MPDZ: variants seen among roughly 807,000 people sequenced by gnomAD.
MPDZ encodes the protein multiple PDZ domain protein.
Under a neutral mutation model 239.1 loss-of-function variants are expected in MPDZ, and 234 were observed. The observed-to-expected ratio is 0.98, with a 90% CI of 0.88 to 1.09. The LOEUF is 1.09. Among genes scored for constraint, MPDZ ranks in the 50% least tolerant of loss-of-function variants. The probability of loss-of-function intolerance (pLI) is 0.00; values close to 1 mark genes in which losing one functional copy is unlikely to be tolerated. For synonymous variants in MPDZ, 1,048 were observed against 881.3 expected, an observed-to-expected ratio of 1.19 and a Z score of -3.35; for missense variants, 3,175 against 2,510.0, an observed-to-expected ratio of 1.26 and a Z score of -5.66.
At chr9:13,128,323 T>G (rs1414687464) in intron 32 of MPDZ, among the ~76,000 whole-genome samples, 1 of 152,234 alleles carries the variant, frequency 6.6e-6, no homozygotes, top group Non-Finnish European at 1.5e-5. Context: ...CTTGGATAAC[T>G]TGCTCTGCAA....
intron 39 of MPDZ, 70 bp downstream of exon 39, chr9:13,119,432 G>C (rs1439775386): frequency 1.3e-5 from 19 of 1,516,178 alleles, no homozygotes; most frequent in Non-Finnish European, 1.5e-5. Context: ...ATTTGACTAT[G>C]ATAGCCCAAT....
At chr9:13,186,154 C>A in intron 18 of MPDZ, 116 bp downstream of exon 18, 3 of 495,948 alleles carry the variant, frequency 6.0e-6, no homozygotes, top group Admixed American at 4.3e-5. Flanking sequence ...ACATGTTTAT[C>A]TTTCCAAATA....
intron 21 of MPDZ, among the ~76,000 whole-genome samples, chr9:13,174,972 T>A (rs1171565364): frequency 1.3e-5 from 2 of 152,104 alleles, no homozygotes; most frequent in South Asian, 2.1e-4. Flanking sequence ...CCATAAGACG[T>A]CAGTGTAACG....
chr9:13,107,992 T>A (rs866920181), intron 46 of MPDZ, among the ~76,000 whole-genome samples: 6 of 152,256 alleles, frequency 3.9e-5, no homozygotes, highest in South Asian at 2.1e-4. Flanking sequence ...ATAGCTTTTT[T>A]AAAAATCTTA....
intron 10 of MPDZ, among the ~76,000 whole-genome samples, chr9:13,211,056 C>G (rs945137590): frequency 3.3e-5 from 5 of 152,060 alleles, no homozygotes; most frequent in Non-Finnish European, 7.4e-5. Context: ...GTGATATACC[C>G]TCTATCTCTA....
chr9:13,236,529 C>T (rs1287204950), intron 3 of MPDZ, among the ~76,000 whole-genome samples: 2 of 151,334 alleles, frequency 1.3e-5, no homozygotes, highest in Admixed American at 6.6e-5. Flanking sequence ...GACCCGCCCA[C>T]CTCAGCCTCC....
chr9:13,159,542 C>T (rs1173386054), intron 23 of MPDZ, among the ~76,000 whole-genome samples: 1 of 152,066 alleles, frequency 6.6e-6, no homozygotes, highest in Admixed American at 6.6e-5. Flanking sequence ...TACAACAGGA[C>T]AGAGTATGAC....
chr9:13,188,808 T>A lies in MPDZ; in HGVS notation c.2340A>T (p.Arg780Ser). The A allele has an allele frequency of 6.2e-7, 1 of 1,613,308 alleles. No individual in the cohort carries two copies. The highest frequency in any genetic ancestry group is 8.5e-7 in the Non-Finnish European group (1 of 1,179,420). The change falls in exon 17 of 47, where the codon AGA (arginine) becomes AGT (serine). Residue 780 changes from arginine to serine, a missense_variant. Physicochemically the swap from Arg to Ser is moderately radical, Grantham distance 110. Coordinates refer to ENST00000319217, the MANE Select transcript of MPDZ (RefSeq NM_001378778.1). ...CGGGTAAAGGCTTAGCAACTCCTAT[T>A]CTCACAGTCCCTGACGGTGCTCCCT... ...ALKGAPSGTVRIGVAKPLPLS... is the reference protein window; with the variant it reads ...ALKGAPSGTVSIGVAKPLPLS...
At chr9:13,185,307 G>A (rs1343212450) in intron 18 of MPDZ, among the ~76,000 whole-genome samples, 2 of 151,948 alleles carry the variant, frequency 1.3e-5, no homozygotes, top group Non-Finnish European at 2.9e-5. Flanking sequence ...TGTCTCCCCC[G>A]AAATTACAAT....
At chr9:13,225,903 C>T (rs1165223964) in intron 3 of MPDZ, among the ~76,000 whole-genome samples, 1 of 152,052 alleles carries the variant, frequency 6.6e-6, no homozygotes, top group African/African-American at 2.4e-5. Flanking sequence ...CTGCACTACG[C>T]ATCTCTTCCT....
chr9:13,148,372 G>T (rs1213212888), intron 25 of MPDZ, among the ~76,000 whole-genome samples: 1 of 151,952 alleles, frequency 6.6e-6, no homozygotes, highest in South Asian at 2.1e-4. Context: ...AATTCTGTCA[G>T]AAAACTATAG....
Position 13,109,028 on chromosome 9 carries a change from G to A in MPDZ, c.5974C>T (p.Arg1992Ter), listed in dbSNP as rs773041662. Residue 1992 changes from arginine to a stop codon, truncating the protein, a stop_gained, in exon 46 of 47, where the codon CGA becomes TGA. Transcript: ENST00000319217. LOFTEE classifies it high-confidence loss of function. ...CTGAAGCCTAAGCCATCTGGTCCTCGCTCTAGTGTAATAGACTTACATTGA... is the reference window on the plus strand; with the variant it reads ...CTGAAGCCTAAGCCATCTGGTCCTCACTCTAGTGTAATAGACTTACATTGA... ...PPQCKSITLE[R>*]GPDGLGFSIV... The A allele has an allele frequency of 8.9e-6, 14 of 1,575,256 alleles. No homozygotes were observed. Among genetic ancestry groups the A allele is most frequent in the African/African-American group, 4.1e-5 (3 of 73,862 alleles).
intron 1 of MPDZ, among the ~76,000 whole-genome samples, chr9:13,272,875 A>G (rs745938749): frequency 5.9e-5 from 9 of 152,064 alleles, no homozygotes; most frequent in Non-Finnish European, 1.2e-4. Context: ...ACAAAGCAAG[A>G]CCTATTAAGG....
Position 13,105,919 on chromosome 9 carries a change from CCTTAGT to C in MPDZ, c.*1040_*1045del, listed in dbSNP as rs931632642. On this transcript the variant is annotated 3_prime_UTR_variant, in exon 47 of 47. Coordinates refer to ENST00000319217, the MANE Select transcript of MPDZ (RefSeq NM_001378778.1). ...CTCAATAAACAGCTCCATCTGTTTC[CCTTAGT>C]CTTAAACTATTGTATTATAAGATGT... is the stretch of plus-strand genomic sequence containing the variant. The C allele has an allele frequency of 3.3e-5, 5 of 152,076 alleles. No homozygotes were observed. Among genetic ancestry groups the C allele is most frequent in the East Asian group, 1.9e-4 (1 of 5,196 alleles). 9.4% of individuals were successfully genotyped at this position (152,076 alleles called of 1,614,324 possible). A position where few individuals can be genotyped will look rare whatever the true frequency, so the allele number is the denominator to read the frequency against.
At chr9:13,241,129 T>C (rs1965304637) in intron 3 of MPDZ, among the ~76,000 whole-genome samples, 1 of 152,170 alleles carries the variant, frequency 6.6e-6, no homozygotes, top group Admixed American at 6.5e-5. Context: ...AACAAACATT[T>C]AAAAGCTGTT....
rs898927501 is a variant in MPDZ at position 13,125,272 on chromosome 9, C to T, written c.4751G>A (p.Ser1584Asn). The T allele has an allele frequency of 1.2e-6, 2 of 1,613,362 alleles. No homozygotes were observed. The highest frequency in any genetic ancestry group is 8.5e-7 in the Non-Finnish European group (1 of 1,179,414). Residue 1584 changes from serine (S) to asparagine (N), a missense_variant, in exon 35 of 47, where the codon AGC becomes AAC. By Grantham distance (46) the Ser-to-Asn change is conservative. Transcript: ENST00000319217. ...CTGTGGGACCATCAGAGACTGGGAG[C>T]TGTTCTTTTTTTCTCCACTGGCTGC... ...AGAASGEKKNSSQSLMVPQSG... is the reference protein window; with the variant it reads ...AGAASGEKKNNSQSLMVPQSG...
rs776536465 is a variant in MPDZ at position 13,247,747 on chromosome 9, C to T, written c.71G>A (p.Arg24His). Residue 24 changes from arginine to histidine, a missense_variant, in exon 3 of 47, where the codon CGT (arginine) becomes CAT (histidine). Transcript: ENST00000319217. ...AERLQTKLRE[R>H]GDVANEDKLS... ...TTTGTCTTCATTTGCTACATCCCCA[C>T]GTTCTCGCAGCTTGGTTTGCAAGCG... 97 of 1,612,822 alleles carry T rather than the reference C, an allele frequency of 6.0e-5. No homozygotes were observed. Among genetic ancestry groups the T allele is most frequent in the Middle Eastern group, 1.6e-4 (1 of 6,072 alleles).
At chr9:13,173,076 G>A (rs1951993810) in intron 21 of MPDZ, among the ~76,000 whole-genome samples, 1 of 152,200 alleles carries the variant, frequency 6.6e-6, no homozygotes, top group African/African-American at 2.4e-5. Context: ...CAAATTCATA[G>A]AGACAGAAAA....
intron 19 of MPDZ, among the ~76,000 whole-genome samples, 169 bp downstream of exon 19, chr9:13,183,249 C>T (rs1179755499): frequency 6.6e-6 from 1 of 151,868 alleles, no homozygotes; most frequent in Non-Finnish European, 1.5e-5. Flanking sequence ...GAAAGCTATC[C>T]AACCAACATT....
Sources: allele counts gnomAD v4.1 joint callset (sites outside exome capture counted in the v4.1 genomes callset), GRCh38; gene constraint gnomAD v4.1.1; transcripts MANE v1.5; gene names NCBI Gene and HGNC (gene_info 2026-07-23, HGNC 2026-07-21).